Variants in NARF observed in about 807,000 individuals in gnomAD.
The protein encoded by NARF is iron-only hydrogenase-like protein 2.
Under a neutral mutation model 48.0 loss-of-function variants are expected in NARF, and 41 were observed. The ratio of observed to expected loss-of-function variants is 0.85; its 90% CI spans 0.66 to 1.11. The LOEUF is 1.11. Among genes scored for constraint, NARF ranks in the 50% least tolerant of loss-of-function variants. The pLI, the probability that NARF is intolerant of heterozygous loss-of-function variation, is 0.00. For synonymous variants in NARF, 215 were observed against 225.5 expected, an observed-to-expected ratio of 0.95 and a Z score of 0.42; for missense variants, 613 against 590.2, an observed-to-expected ratio of 1.04 and a Z score of -0.40.
intron 7 of NARF, among the ~76,000 whole-genome samples, chr17:82,482,951 C>T (rs1483441433): frequency 6.6e-6 from 1 of 151,684 alleles, no homozygotes; most frequent in East Asian, 2.0e-4. Context: ...CGCCCCACCA[C>T]ACCAGGCTAA....
intron 4 of NARF, among the ~76,000 whole-genome samples, chr17:82,470,979 A>C (rs1367257392): frequency 5.3e-5 from 8 of 150,692 alleles, no homozygotes; most frequent in Non-Finnish European, 3.0e-5. Context: ...CTGGCCCAAC[A>C]TGGCAAAACC....
At chr17:82,458,611 G>T, upstream of NARF, 1 of 653,116 alleles carries the variant, frequency 1.5e-6, no homozygotes, top group Non-Finnish European at 2.3e-6. Flanking sequence ...AAGCCGTAAG[G>T]GTGGGGAATC....
chr17:82,465,522 C>T (rs1323682753), intron 3 of NARF, among the ~76,000 whole-genome samples: 3 of 152,110 alleles, frequency 2.0e-5, no homozygotes, highest in Non-Finnish European at 2.9e-5. Flanking sequence ...GCCTTCTCAG[C>T]GTTTGCCATT....
chr17:82,483,650 T>G, intron 7 of NARF, 66 bp from the exon 8 acceptor site: 1 of 1,492,566 alleles, frequency 6.7e-7, no homozygotes, highest in Non-Finnish European at 9.3e-7. Context: ...TCAAATCTCC[T>G]GCAGGGGAAG....
chr17:82,475,338 C>T lies in NARF; in HGVS notation c.520+2640C>T, dbSNP rs530463261. ...AATTTAGGCCGGGCGCAGTGGCTCA[C>T]GCCTGTAATCCCAGCACTTTGGGAG... On this transcript the variant is annotated intron_variant, in intron 5 of 10. Coordinates refer to ENST00000309794, the MANE Select transcript of NARF (RefSeq NM_012336.4). 3.3e-5 allele frequency among the ~76,000 whole-genome samples: 5 copies of T among 152,328 alleles called. No homozygotes were observed. In the East Asian group the frequency reaches 9.6e-4, roughly 29 times the overall value.
intron 7 of NARF, chr17:82,482,160 G>T: frequency 3.1e-6 from 1 of 327,212 alleles, no homozygotes; most frequent in Admixed American, 4.5e-5. Context: ...GTCCCTGCAG[G>T]TATTTAGATC....
At chr17:82,479,177 G>T in intron 6 of NARF, 1 of 320,564 alleles carries the variant, frequency 3.1e-6, no homozygotes, top group South Asian at 3.7e-5. Flanking sequence ...GCCCATTCGG[G>T]GTAGAGTAGA....
chr17:82,485,022 G>C, intron 9 of NARF, 72 bp downstream of exon 9: 1 of 1,474,128 alleles, frequency 6.8e-7, no homozygotes, highest in Non-Finnish European at 9.0e-7. Context: ...GTATGGATCT[G>C]TGCATGTGGC....
chr17:82,478,961 G>A (rs1269383257), intron 6 of NARF, 43 bp downstream of exon 6: 1 of 1,575,846 alleles, frequency 6.3e-7, no homozygotes, highest in East Asian at 2.2e-5. Context: ...AGGTGAGGGA[G>A]GACCATGGCA....
Position 82,490,435 on chromosome 17 carries a change from G to A in NARF, c.*2278G>A, listed in dbSNP as rs752065115. 1 of 152,292 alleles carries A rather than the reference G, an allele frequency of 6.6e-6. No homozygotes were observed. The highest frequency in any genetic ancestry group is 1.5e-5 in the Non-Finnish European group (1 of 68,078). The allele number at this position is 152,292 out of a possible 1,614,324, so 9.4% of individuals were successfully genotyped here. A position where few individuals can be genotyped will look rare whatever the true frequency, so the allele number is the denominator to read the frequency against. ...ATTGTGTTGCGTTGCCTGTCTTGCT[G>A]GATAACTGCATATATTGTGTTCAGT... On this transcript the variant is annotated 3_prime_UTR_variant, in exon 11 of 11. Transcript: ENST00000309794.
rs1326794977 is a variant in NARF, at chr17:82,459,908, T to A, written c.28-84T>A. On this transcript the variant is annotated intron_variant, in intron 1 of 10. Transcript: ENST00000309794. The stretch of plus-strand genomic sequence containing the variant: ...AACTAAAAGAAAGGATAGAAATACA[T>A]GAGCTTCATTGGTCAGAATGTGCAC... 35 of 979,166 alleles carry A rather than the reference T, an allele frequency of 3.6e-5. No individual in the cohort carries two copies. In the East Asian group the frequency reaches 8.1e-4, roughly 23 times the overall value. The allele number at this position is 979,166 out of a possible 1,614,324, so 60.7% of individuals were successfully genotyped here. A position where few individuals can be genotyped will look rare whatever the true frequency, so the allele number is the denominator to read the frequency against.
In NARF at chr17:82,458,752, C is replaced by A; in HGVS notation, c.-52C>A. The A allele has an allele frequency of 2.7e-6, 4 of 1,476,358 alleles. No homozygotes were observed. Among genetic ancestry groups the A allele is most frequent in the Non-Finnish European group, 3.6e-6 (4 of 1,119,870 alleles). 91.5% of individuals were successfully genotyped at this position (1,476,358 alleles called of 1,614,324 possible). ...CGGCGGGCAGTGGTGTCCCAGTCTC[C>A]CGGTGCTTCCCTGAGGCTGAGGCGC... On this transcript the variant is annotated 5_prime_UTR_variant, in exon 1 of 11. Transcript: ENST00000309794.
At chr17:82,478,994 TCC>T in intron 6 of NARF, 76 bp downstream of exon 6, 1 of 1,395,026 alleles carries the variant, frequency 7.2e-7, no homozygotes, top group Non-Finnish European at 9.9e-7. Context: ...AAGGGGAGGT[TCC>T]CCATCTGTCC....
intron 5 of NARF, chr17:82,477,029 A>G (rs1205436226): frequency 6.6e-6 from 1 of 151,662 alleles, no homozygotes; most frequent in Non-Finnish European, 1.5e-5. Context: ...CACTCCACCC[A>G]GCCAACAGTT....
At chr17:82,487,797 C>CAGGAAA in intron 10 of NARF, 119 bp from the exon 11 acceptor site, 1 of 505,670 alleles carries the variant, frequency 2.0e-6, no homozygotes, top group Non-Finnish European at 3.4e-6. Flanking sequence ...CCAATCTCTA[C>CAGGAAA]AAAAAATTTA....
intron 3 of NARF, among the ~76,000 whole-genome samples, chr17:82,466,719 C>T (rs1423171011): frequency 1.3e-5 from 2 of 152,162 alleles, no homozygotes; most frequent in African/African-American, 4.8e-5. Context: ...TCCCAAAGTG[C>T]TGGGATTACA....
At position 82,470,374 on chromosome 17, in the gene NARF, C is replaced by T. The variant is rs192551415; in HGVS notation, c.385+1478C>T. On this transcript the variant is annotated intron_variant, in intron 4 of 10. Transcript: ENST00000309794. ...AGTTGTCAAATGCTATATATTCTCA[C>T]GATGAAAGCCCTTATTTGGGGCTAG... is the stretch of plus-strand genomic sequence containing the variant. Among the ~76,000 whole-genome samples the T allele has an allele frequency of 5.9e-3, 902 of 152,206 alleles. 18 individuals are homozygous for T. Among genetic ancestry groups the T allele is most frequent in the African/African-American group, 0.02 (835 of 41,502 alleles).
intron 4 of NARF, among the ~76,000 whole-genome samples, chr17:82,470,676 A>G (rs1309919173): frequency 6.6e-5 from 10 of 151,764 alleles, no homozygotes; most frequent in African/African-American, 1.9e-4. Flanking sequence ...TTGTATTTTT[A>G]GTAAAGATGG....
At chr17:82,485,731 G>C (rs922912185) in intron 10 of NARF, 77 bp downstream of exon 10, 5 of 1,554,754 alleles carry the variant, frequency 3.2e-6, no homozygotes, top group Non-Finnish European at 4.4e-6. Context: ...CTGCCAGAGA[G>C]ATGGTGCTCT....
Sources: gnomAD v4.1 joint callset for allele counts (sites outside exome capture counted in the v4.1 genomes callset) on GRCh38, gnomAD v4.1.1 for gene constraint, MANE v1.5 for transcripts, NCBI Gene and HGNC (gene_info 2026-07-23, HGNC 2026-07-21) for gene names.